The following CA10 variants were observed in gnomAD, a reference collection of about 807,000 sequenced individuals.
CA10 encodes the protein carbonic anhydrase 10 (inactive).
In CA10, 14 loss-of-function variants were observed where a neutral mutation model predicts 44.2. That is an observed-to-expected ratio of 0.32 (90% CI 0.21 to 0.50). The LOEUF is 0.50. CA10 is among the 20% of genes least tolerant of loss of function. The pLI is 0.99. For missense variants in CA10, 350 were observed against 409.7 expected, an observed-to-expected ratio of 0.85 and a Z score of 1.26; for synonymous variants, 159 against 141.6, an observed-to-expected ratio of 1.12 and a Z score of -0.87.
chr17:51,692,374 T>TC (rs1915231819), intron 4 of CA10, among the ~76,000 whole-genome samples: 2 of 57,268 alleles, frequency 3.5e-5, no homozygotes, highest in Non-Finnish European at 6.5e-5. Context: ...ATCCTATCTA[T>TC]CTATCTATCT....
At chr17:51,694,812 T>A (rs887017104) in intron 4 of CA10, among the ~76,000 whole-genome samples, 1 of 152,220 alleles carries the variant, frequency 6.6e-6, no homozygotes, top group South Asian at 2.1e-4. Flanking sequence ...CATTAATATA[T>A]CTTGAGTGAG....
chr17:52,104,186 GC>G (rs1029615889), intron 1 of CA10, among the ~76,000 whole-genome samples: 6 of 133,432 alleles, frequency 4.5e-5, no homozygotes, highest in African/African-American at 1.5e-4. Flanking sequence ...CACACCTCCT[GC>G]CTTTTTTTTT....
chr17:52,012,965 G>A (rs1233297510), intron 2 of CA10, among the ~76,000 whole-genome samples: 4 of 151,908 alleles, frequency 2.6e-5, no homozygotes, highest in Non-Finnish European at 4.4e-5. Flanking sequence ...AAATACCAAT[G>A]TAGCTTACTT....
intron 1 of CA10, among the ~76,000 whole-genome samples, chr17:52,094,172 T>C (rs1003027021): frequency 2.0e-5 from 3 of 151,918 alleles, no homozygotes; most frequent in Non-Finnish European, 4.4e-5. Flanking sequence ...GGAATAACAT[T>C]AGGAGAAATA....
intron 2 of CA10, among the ~76,000 whole-genome samples, chr17:51,943,349 T>C (rs1983155689): frequency 6.6e-6 from 1 of 152,180 alleles, no homozygotes. Context: ...TTCTTCAAGA[T>C]CAGGAACTCT....
At chr17:51,854,991 C>G (rs905390882) in intron 3 of CA10, among the ~76,000 whole-genome samples, 4 of 152,150 alleles carry the variant, frequency 2.6e-5, no homozygotes, top group African/African-American at 9.7e-5. Context: ...AGTCAGTGCT[C>G]TGATGCTGCC....
chr17:52,053,319 A>G (rs1987130718), intron 2 of CA10, among the ~76,000 whole-genome samples: 1 of 152,104 alleles, frequency 6.6e-6, no homozygotes, highest in Non-Finnish European at 1.5e-5. Context: ...TGTTTAAAAC[A>G]GGAACAAATA....
intron 1 of CA10, among the ~76,000 whole-genome samples, chr17:52,132,173 T>C (rs1217545958): frequency 6.6e-6 from 1 of 151,808 alleles, no homozygotes; most frequent in Non-Finnish European, 1.5e-5. Flanking sequence ...TAAAGTATAA[T>C]AATAATAAAA....
intron 4 of CA10, among the ~76,000 whole-genome samples, chr17:51,654,170 G>C (rs1913689594): frequency 6.6e-6 from 1 of 152,344 alleles, no homozygotes; most frequent in East Asian, 1.9e-4. Context: ...GGAGCTGTTA[G>C]GTCCTGAGTC....
intron 4 of CA10, among the ~76,000 whole-genome samples, chr17:51,688,738 T>C (rs1369330664): frequency 1.3e-5 from 2 of 152,224 alleles, no homozygotes; most frequent in South Asian, 2.1e-4. Context: ...CAAGTATTTA[T>C]ACTCTTTGAT....
intron 2 of CA10, among the ~76,000 whole-genome samples, chr17:51,985,188 C>A (rs896790001): frequency 1.3e-5 from 2 of 151,768 alleles, no homozygotes; most frequent in Non-Finnish European, 2.9e-5. Context: ...GGTTTCATAC[C>A]AGGGATGGAG....
At chr17:51,785,078 C>T (rs1906213096) in intron 3 of CA10, among the ~76,000 whole-genome samples, 1 of 152,180 alleles carries the variant, frequency 6.6e-6, no homozygotes, top group Non-Finnish European at 1.5e-5. Flanking sequence ...ATCTCCAGTT[C>T]CACCTGTGTT....
intron 2 of CA10, among the ~76,000 whole-genome samples, chr17:52,063,981 C>T (rs1402960051): frequency 1.3e-5 from 2 of 152,170 alleles, no homozygotes; most frequent in Non-Finnish European, 2.9e-5. Context: ...ATGTGAATAA[C>T]GTTCTTAATC....
chr17:51,885,130 C>T lies in CA10; in HGVS notation c.279+45860G>A, dbSNP rs577585909. ...ACCCCTAGCACCATATGACATACAA[C>T]ATATTTTTACTTCATTTTTTGTCTT... is the stretch of plus-strand genomic sequence containing the variant. On this transcript the variant is annotated intron_variant, in intron 3 of 8. Transcript: ENST00000451037. Among the ~76,000 whole-genome samples the T allele has an allele frequency of 2.0e-5, 3 of 152,300 alleles. No homozygotes were observed. The East Asian group carries it at 5.8e-4, about 29-fold the overall frequency.
chr17:52,082,143 C>T (rs1472827129), intron 1 of CA10, among the ~76,000 whole-genome samples: 7 of 152,150 alleles, frequency 4.6e-5, no homozygotes, highest in Non-Finnish European at 1.0e-4. Flanking sequence ...CAGTGTTTGA[C>T]AAATATTTGC....
chr17:51,904,611 C>T (rs1344440448), intron 3 of CA10, among the ~76,000 whole-genome samples: 2 of 152,108 alleles, frequency 1.3e-5, no homozygotes, highest in African/African-American at 4.8e-5. Context: ...AAAAAACTCA[C>T]AATAAAAATA....
intron 4 of CA10, among the ~76,000 whole-genome samples, chr17:51,699,857 G>A (rs1915530755): frequency 6.6e-6 from 1 of 152,180 alleles, no homozygotes; most frequent in Admixed American, 6.5e-5. Context: ...GCAGACAGTT[G>A]TAGGATAAAG....
chr17:51,986,510 C>T (rs989996531), intron 2 of CA10, among the ~76,000 whole-genome samples: 1 of 151,672 alleles, frequency 6.6e-6, no homozygotes, highest in Non-Finnish European at 1.5e-5. Context: ...TGATAAATAG[C>T]TGAGACTTAA....
intron 4 of CA10, among the ~76,000 whole-genome samples, chr17:51,655,776 G>C (rs540736324): frequency 6.6e-6 from 1 of 152,330 alleles, no homozygotes; most frequent in African/African-American, 2.4e-5. Flanking sequence ...AGCCTCCTGA[G>C]GTGTAGAGGA....
Sources: gnomAD v4.1 joint callset for allele counts (sites outside exome capture counted in the v4.1 genomes callset) on GRCh38, gnomAD v4.1.1 for gene constraint, MANE v1.5 for transcripts, NCBI Gene and HGNC (gene_info 2026-07-23, HGNC 2026-07-21) for gene names.